Variants in MALRD1 observed in about 807,000 individuals in gnomAD.
MALRD1 encodes MAM and LDL receptor class A domain containing 1.
A neutral mutation model predicts 242.1 loss-of-function variants in MALRD1; 247 were observed. That is an observed-to-expected ratio of 1.02 (90% CI 0.92 to 1.13). MALRD1 has a LOEUF of 1.13. MALRD1 is among the 50% of genes most tolerant of loss of function. The pLI is 0.00. For synonymous variants in MALRD1, 995 were observed against 866.6 expected, an observed-to-expected ratio of 1.15 and a Z score of -2.60; for missense variants, 2,989 against 2,533.1, an observed-to-expected ratio of 1.18 and a Z score of -3.86.
intron 38 of MALRD1, among the ~76,000 whole-genome samples, chr10:19,712,704 G>A (rs1305203216): frequency 6.6e-6 from 1 of 152,196 alleles, no homozygotes. Flanking sequence ...AGAGCCATTT[G>A]TAGGGAAAAA....
intron 4 of MALRD1, among the ~76,000 whole-genome samples, chr10:19,097,580 C>T (rs1836088298): frequency 6.6e-6 from 1 of 152,152 alleles, no homozygotes; most frequent in Non-Finnish European, 1.5e-5. Context: ...GTCCCCAATT[C>T]AGGTGAAACC....
At chr10:19,434,836 C>G (rs1834285972) in intron 28 of MALRD1, among the ~76,000 whole-genome samples, 1 of 151,662 alleles carries the variant, frequency 6.6e-6, no homozygotes, top group African/African-American at 2.4e-5. Context: ...AAAAGGATTC[C>G]TATATGGTCC....
At chr10:19,526,365 A>AC (rs10695324) in intron 31 of MALRD1, among the ~76,000 whole-genome samples, 5 of 148,966 alleles carry the variant, frequency 3.4e-5, no homozygotes, top group African/African-American at 1.0e-4. Flanking sequence ...CCAAAAAAAA[A>AC]ATACATATAT....
chr10:19,681,990 C>G (rs1296220539), intron 36 of MALRD1, among the ~76,000 whole-genome samples: 2 of 151,928 alleles, frequency 1.3e-5, no homozygotes, highest in South Asian at 2.1e-4. Context: ...CACCACCACA[C>G]CCAGCTAATT....
intron 29 of MALRD1, among the ~76,000 whole-genome samples, chr10:19,462,862 C>G (rs1414931738): frequency 6.6e-6 from 1 of 152,060 alleles, no homozygotes. Context: ...TGCTTTAGCT[C>G]TGGTTATTAT....
chr10:19,322,928 C>G (rs1010735448), intron 21 of MALRD1, among the ~76,000 whole-genome samples: 1 of 152,136 alleles, frequency 6.6e-6, no homozygotes, highest in Admixed American at 6.5e-5. Context: ...CTGTGCGGAT[C>G]ACTTCTTTAT....
At chr10:19,674,169 C>A (rs1471180070) in intron 36 of MALRD1, among the ~76,000 whole-genome samples, 1 of 152,100 alleles carries the variant, frequency 6.6e-6, no homozygotes, top group Non-Finnish European at 1.5e-5. Context: ...AACATGAAGT[C>A]ACTAAGAAAA....
At chr10:19,087,784 A>C in intron 2 of MALRD1, 56 bp from the exon 3 acceptor site, 39 of 778,554 alleles carry the variant, frequency 5.0e-5, no homozygotes, top group Non-Finnish European at 6.3e-5. Context: ...ATCAAATAGT[A>C]GGTCTTATTC....
chr10:19,203,930 A>C (rs1207835084), intron 15 of MALRD1, 50 bp downstream of exon 15: 23 of 1,543,270 alleles, frequency 1.5e-5, no homozygotes, highest in Non-Finnish European at 1.3e-5. Flanking sequence ...CTGTTTAGTT[A>C]GACTTCAGAA....
At chr10:19,599,678 G>A (rs886760773) in intron 34 of MALRD1, among the ~76,000 whole-genome samples, 4 of 152,094 alleles carry the variant, frequency 2.6e-5, no homozygotes, top group African/African-American at 9.7e-5. Flanking sequence ...TAGAGAAATA[G>A]TATGCATAGC....
At chr10:19,343,756 G>A (rs538545460) in intron 24 of MALRD1, among the ~76,000 whole-genome samples, 3 of 152,172 alleles carry the variant, frequency 2.0e-5, no homozygotes, top group Non-Finnish European at 2.9e-5. Flanking sequence ...TTTCCAGAGC[G>A]ATTGCATCGT....
chr10:19,136,904 C>A (rs2131414169), intron 10 of MALRD1, 123 bp downstream of exon 10: 1 of 565,134 alleles, frequency 1.8e-6, no homozygotes, highest in Non-Finnish European at 2.6e-6. Flanking sequence ...GATAAATATG[C>A]ATTATCGCTC....
At chr10:19,264,620 AT>A (rs1340547856) in intron 19 of MALRD1, among the ~76,000 whole-genome samples, 1 of 151,626 alleles carries the variant, frequency 6.6e-6, no homozygotes, top group Non-Finnish European at 1.5e-5. Flanking sequence ...TGCCCAGCTA[AT>A]TTTTTGTACT....
At chr10:19,332,023 G>A (rs943640566) in intron 24 of MALRD1, among the ~76,000 whole-genome samples, 14 of 151,990 alleles carry the variant, frequency 9.2e-5, no homozygotes, top group Middle Eastern at 6.8e-3. Flanking sequence ...CTGCCACCAC[G>A]CCCAGCTATT....
intron 5 of MALRD1, among the ~76,000 whole-genome samples, chr10:19,106,406 A>G (rs1476362439): frequency 4.6e-5 from 7 of 151,384 alleles, no homozygotes; most frequent in Non-Finnish European, 1.0e-4. Context: ...GAATTTATCT[A>G]TTTCTTCTAG....
At chr10:19,703,115 A>G (rs1365198672) in intron 38 of MALRD1, among the ~76,000 whole-genome samples, 1 of 152,170 alleles carries the variant, frequency 6.6e-6, no homozygotes, top group Non-Finnish European at 1.5e-5. Context: ...GCAACTCAAG[A>G]TGATTTGATC....
intron 38 of MALRD1, among the ~76,000 whole-genome samples, chr10:19,719,577 G>A (rs1834645046): frequency 6.6e-6 from 1 of 152,052 alleles, no homozygotes; most frequent in East Asian, 1.9e-4. Context: ...GCTGTATCAT[G>A]TGAATGAGTT....
chr10:19,346,384 A>T (rs1159440406), intron 24 of MALRD1, among the ~76,000 whole-genome samples: 3 of 152,126 alleles, frequency 2.0e-5, no homozygotes, highest in Non-Finnish European at 4.4e-5. Flanking sequence ...TGATGACAGA[A>T]TCATTTTTGC....
At position 19,593,710 on chromosome 10, in the gene MALRD1, A is replaced by C. The variant is rs577457941; in HGVS notation, c.5681-1484A>C. On this transcript the variant is annotated intron_variant, in intron 33 of 39. Coordinates refer to ENST00000454679, the MANE Select transcript of MALRD1 (RefSeq NM_001142308.3). ...AGAAACATGAGATAGTCAACACTCAACAGTCAGCCTCTGCTTTAAGTTTGA... is the reference window on the plus strand; with the variant it reads ...AGAAACATGAGATAGTCAACACTCACCAGTCAGCCTCTGCTTTAAGTTTGA... 4.6e-5 allele frequency among the ~76,000 whole-genome samples: 7 copies of C among 152,338 alleles called. 1 individual carries two copies. In the South Asian group the frequency reaches 1.4e-3, roughly 32 times the overall value.
Sources: allele counts gnomAD v4.1 joint callset (sites outside exome capture counted in the v4.1 genomes callset), GRCh38; gene constraint gnomAD v4.1.1; transcripts MANE v1.5; gene names NCBI Gene and HGNC (gene_info 2026-07-23, HGNC 2026-07-21).